Variants in GYG1 observed in about 807,000 individuals in gnomAD.
GYG1 encodes the protein glycogenin 1, also known as glycogenin-1.
GYG1 carries 44 observed loss-of-function variants against 41.9 expected under a neutral mutation model. That is an observed-to-expected ratio of 1.05 (90% confidence interval 0.83 to 1.35). GYG1 has a LOEUF of 1.35. Ranked by LOEUF, GYG1 falls within the 40% of genes most tolerant of loss-of-function variation. GYG1 has a pLI of 0.00. For synonymous variants in GYG1, 141 were observed against 158.1 expected, an observed-to-expected ratio of 0.89 and a Z score of 0.81; for missense variants, 429 against 418.9, an observed-to-expected ratio of 1.02 and a Z score of -0.21.
intron 6 of GYG1, among the ~76,000 whole-genome samples, chr3:149,025,041 T>G (rs562746563): frequency 6.6e-5 from 10 of 152,336 alleles, no homozygotes; most frequent in Non-Finnish European, 4.4e-5. Context: ...GATTTTAGCC[T>G]GAAATTTCAC....
At chr3:149,015,193 G>A (rs1424915885) in intron 5 of GYG1, among the ~76,000 whole-genome samples, 8 of 152,082 alleles carry the variant, frequency 5.3e-5, no homozygotes, top group South Asian at 2.1e-4. Context: ...AGAAATGAAC[G>A]GAATGTATTA....
chr3:149,020,324 G>C (rs1483197284), intron 5 of GYG1, among the ~76,000 whole-genome samples: 1 of 152,180 alleles, frequency 6.6e-6, no homozygotes, highest in Non-Finnish European at 1.5e-5. Flanking sequence ...TCCATAGGCA[G>C]GAGTTAATCC....
At chr3:149,005,220 T>G (rs1019081127) in intron 4 of GYG1, among the ~76,000 whole-genome samples, 9 of 152,056 alleles carry the variant, frequency 5.9e-5, no homozygotes, top group African/African-American at 2.2e-4. Flanking sequence ...AAATTAAAAG[T>G]AAAGAGTATT....
chr3:149,003,547 T>C (rs34572813), intron 4 of GYG1, among the ~76,000 whole-genome samples: 9,719 of 152,280 alleles, frequency 0.064, 480 homozygotes, highest in African/African-American at 0.14. Context: ...ATAGAAATGA[T>C]ATTTTTAAAA....
In GYG1 at chr3:149,028,432, C is replaced by T. The variant is rs1714766223; in HGVS notation, c.*1499C>T. 6.6e-6 allele frequency among the ~76,000 whole-genome samples: 1 copy of T among 152,118 alleles called. No individual in the cohort carries two copies. The highest frequency in any genetic ancestry group is 1.5e-5 in the Non-Finnish European group (1 of 68,018). On this transcript the variant is annotated 3_prime_UTR_variant, in exon 8 of 8. Transcript: ENST00000345003. Reference sequence around the variant, plus strand: ...CTATTGATCTTCAAGTACAATGAAGCATTTACCAAAGATTTATTTAAGTGC... The same window carrying T: ...CTATTGATCTTCAAGTACAATGAAGTATTTACCAAAGATTTATTTAAGTGC...
intron 5 of GYG1, among the ~76,000 whole-genome samples, chr3:149,010,124 A>G (rs1273404685): frequency 1.3e-5 from 2 of 152,184 alleles, no homozygotes; most frequent in Non-Finnish European, 1.5e-5. Flanking sequence ...GGCAGGGCAT[A>G]TGTCCTCACT....
chr3:149,016,276 A>C (rs13096277), intron 5 of GYG1, among the ~76,000 whole-genome samples: 1 of 146,510 alleles, frequency 6.8e-6, no homozygotes, highest in Non-Finnish European at 1.5e-5. Context: ...AAAAAAAAAA[A>C]CAAAAAAGAA....
chr3:149,017,843 A>G (rs965806533), intron 5 of GYG1, among the ~76,000 whole-genome samples: 1 of 150,104 alleles, frequency 6.7e-6, no homozygotes, highest in Non-Finnish European at 1.5e-5. Flanking sequence ...GCACTCCTGA[A>G]CTCAGGCAAT....
chr3:149,006,542 A>G (rs1713414164), intron 4 of GYG1, among the ~76,000 whole-genome samples: 1 of 152,208 alleles, frequency 6.6e-6, no homozygotes, highest in Admixed American at 6.5e-5. Context: ...ACTGAGTGTA[A>G]TTAATTTAAG....
In GYG1 at chr3:149,028,605, G is replaced by A. The variant is rs981309012; in HGVS notation, c.*1672G>A. On this transcript the variant is annotated 3_prime_UTR_variant, in exon 8 of 8. Transcript: ENST00000345003. ...GTCTTATTTTTGTGGCCATTCAGTTGCATTCAACGTTAATTTTTTCTATTT... is the reference window on the plus strand; with the variant it reads ...GTCTTATTTTTGTGGCCATTCAGTTACATTCAACGTTAATTTTTTCTATTT... Among the ~76,000 whole-genome samples the A allele has an allele frequency of 2.6e-5, 4 of 151,330 alleles. No individual in the cohort carries two copies. The highest frequency in any genetic ancestry group is 9.7e-5 in the African/African-American group (4 of 41,122).
At position 149,030,621 on chromosome 3, in the gene GYG1, GA is replaced by G. The variant is rs1559848161; in HGVS notation, c.*3689del. ...GGAGAACCCATACTCTGATCAACTTGATTTTTTGTGTGTAATGCTTGATCTA... is the reference window on the plus strand; with the variant it reads ...GGAGAACCCATACTCTGATCAACTTGTTTTTTGTGTGTAATGCTTGATCTA... On this transcript the variant is annotated 3_prime_UTR_variant, in exon 8 of 8. Coordinates refer to ENST00000345003, the MANE Select transcript of GYG1 (RefSeq NM_004130.4). 1 of 152,156 alleles carries G rather than the reference GA, an allele frequency of 6.6e-6. No homozygotes were observed. Among genetic ancestry groups the G allele is most frequent in the South Asian group, 2.1e-4 (1 of 4,822 alleles). The allele number at this position is 152,156 out of a possible 1,614,324, so 9.4% of individuals were successfully genotyped here.
chr3:149,014,599 T>C (rs1713916811), intron 5 of GYG1, among the ~76,000 whole-genome samples: 1 of 150,500 alleles, frequency 6.6e-6, no homozygotes, highest in Non-Finnish European at 1.5e-5. Context: ...AGACATAACT[T>C]CTTTGGGAGG....
intron 5 of GYG1, among the ~76,000 whole-genome samples, chr3:149,019,289 C>G (rs1313148739): frequency 7.9e-5 from 12 of 152,072 alleles, no homozygotes; most frequent in Admixed American, 7.9e-4. Context: ...GTAAACTGGC[C>G]CCAACTAATT....
rs367633765 is a variant in GYG1, at chr3:149,031,418, TTATC to T, written c.*4489_*4492del. On this transcript the variant is annotated 3_prime_UTR_variant, in exon 8 of 8. Coordinates refer to ENST00000345003, the MANE Select transcript of GYG1 (RefSeq NM_004130.4). Reference sequence around the variant, plus strand: ...CCAAAAAAAGCTACATAAATAAAAATTATCTATTTATAGAAATATCTATTTAGCA... The same window carrying T: ...CCAAAAAAAGCTACATAAATAAAAATTATTTATAGAAATATCTATTTAGCA... The T allele has an allele frequency of 1.9e-4, 29 of 152,662 alleles. No homozygotes were observed. In the East Asian group the frequency reaches 4.6e-3, roughly 24 times the overall value. 9.5% of individuals were successfully genotyped at this position (152,662 alleles called of 1,614,324 possible). A position where few individuals can be genotyped will look rare whatever the true frequency, so the allele number is the denominator to read the frequency against.
intron 5 of GYG1, among the ~76,000 whole-genome samples, chr3:149,018,242 G>C (rs757011889): frequency 6.6e-6 from 1 of 152,116 alleles, no homozygotes; most frequent in Non-Finnish European, 1.5e-5. Context: ...TGAAACTCTA[G>C]ATATGAAAAC....
intron 5 of GYG1, among the ~76,000 whole-genome samples, chr3:149,019,068 T>TAAA (rs67695680): frequency 0.016 from 1,912 of 119,036 alleles, 37 homozygotes; most frequent in African/African-American, 0.048. Context: ...GACACTGTCT[T>TAAA]AAAAAAAAAA....
At chr3:148,991,747 G>A (rs1712484447) in intron 1 of GYG1, 100 bp downstream of exon 1, 2 of 1,021,956 alleles carry the variant, frequency 2.0e-6, no homozygotes, top group Admixed American at 4.9e-5. Context: ...AGTGTTCCCG[G>A]CAGGACGAAA....
At position 149,026,880 on chromosome 3, in the gene GYG1, G is replaced by A; in HGVS notation, c.1000G>A (p.Gly334Arg). Residue 334 changes from glycine (G) to arginine (R), a missense_variant, in exon 8 of 8, where the codon GGA (glycine) becomes AGA (arginine). Physicochemically the swap from Gly to Arg is moderately radical, Grantham distance 125. Coordinates refer to ENST00000345003, the MANE Select transcript of GYG1 (RefSeq NM_004130.4). Reference sequence around the variant, plus strand: ...GGAACAGGGCCAGGCTGATTATATGGGAGCAGATTCCTTTGACAACATCAA... The same window carrying A: ...GGAACAGGGCCAGGCTGATTATATGAGAGCAGATTCCTTTGACAACATCAA... ...RWEQGQADYM[G>R]ADSFDNIKRK... 6.2e-7 allele frequency: 1 copy of A among 1,613,696 alleles called. No individual in the cohort carries two copies. Among genetic ancestry groups the A allele is most frequent in the Non-Finnish European group, 8.5e-7 (1 of 1,179,632 alleles).
rs562570274 is a variant in GYG1 at position 148,995,396 on chromosome 3, C to T, written c.144-906C>T. On this transcript the variant is annotated intron_variant, in intron 2 of 7. Transcript: ENST00000345003. Reference sequence around the variant, plus strand: ...ATTTTTTTCCCAAAAAGTATAAGCACAGGCCAAGGGTCTCTAAAAAGTAGA... The same window carrying T: ...ATTTTTTTCCCAAAAAGTATAAGCATAGGCCAAGGGTCTCTAAAAAGTAGA... Among the ~76,000 whole-genome samples, 296 of 152,252 alleles carry T rather than the reference C, an allele frequency of 1.9e-3. 1 individual carries two copies. Among genetic ancestry groups the T allele is most frequent in the Non-Finnish European group, 3.0e-3 (204 of 68,012 alleles).
Sources: allele counts gnomAD v4.1 joint callset (sites outside exome capture counted in the v4.1 genomes callset), GRCh38; gene constraint gnomAD v4.1.1; transcripts MANE v1.5; gene names NCBI Gene and HGNC (gene_info 2026-07-23, HGNC 2026-07-21).